ARHGEF28: variants seen among roughly 807,000 people sequenced by gnomAD.
ARHGEF28 encodes the protein Rho guanine nucleotide exchange factor 28, also known as 190 kDa guanine nucleotide exchange factor.
A neutral mutation model predicts 206.6 loss-of-function variants in ARHGEF28; 152 were observed. The observed-to-expected ratio is 0.74, with a 90% confidence interval of 0.64 to 0.84. The LOEUF (loss-of-function observed/expected upper bound fraction) is 0.84. Among genes scored for constraint, ARHGEF28 ranks in the 40% least tolerant of loss-of-function variants. The pLI is 0.00. For synonymous variants in ARHGEF28, 763 were observed against 776.4 expected (o/e 0.98, Z 0.29); for missense variants, 2,028 against 2,073.2 (o/e 0.98, Z 0.42).
intron 16 of ARHGEF28, among the ~76,000 whole-genome samples, chr5:73,860,152 CA>C (rs1201871224): frequency 6.6e-6 from 1 of 152,180 alleles, no homozygotes; most frequent in African/African-American, 2.4e-5. Flanking sequence ...TGGGTACGCG[CA>C]GAAATTAGTT....
At chr5:73,722,178 G>C (rs114580567) in intron 2 of ARHGEF28, among the ~76,000 whole-genome samples, 1 of 151,892 alleles carries the variant, frequency 6.6e-6, no homozygotes, top group Non-Finnish European at 1.5e-5. Context: ...AAGATTCGTC[G>C]TGAATATGTA....
chr5:73,917,343 G>A (rs2111953530), intron 35 of ARHGEF28, among the ~76,000 whole-genome samples: 1 of 152,262 alleles, frequency 6.6e-6, no homozygotes, highest in Non-Finnish European at 1.5e-5. Context: ...GCTTGCTCTT[G>A]GTAATCTATA....
intron 2 of ARHGEF28, among the ~76,000 whole-genome samples, chr5:73,691,149 C>T (rs1235540377): frequency 6.6e-6 from 1 of 152,022 alleles, no homozygotes; most frequent in East Asian, 1.9e-4. Context: ...AGGCTGGTCT[C>T]AAACTTCTGG....
intron 16 of ARHGEF28, among the ~76,000 whole-genome samples, chr5:73,860,771 T>A (rs1488074943): frequency 1.3e-5 from 2 of 152,190 alleles, no homozygotes; most frequent in Admixed American, 6.5e-5. Context: ...GGACCTCTCT[T>A]GTGTTTACTG....
chr5:73,772,762 A>C (rs952746800), intron 4 of ARHGEF28, among the ~76,000 whole-genome samples: 1 of 152,200 alleles, frequency 6.6e-6, no homozygotes, highest in East Asian at 1.9e-4. Context: ...GGGAAGGATC[A>C]TAATGTAGTT....
At chr5:73,940,710 T>A in intron 35 of ARHGEF28, 134 bp from the exon 36 acceptor site, 1 of 650,056 alleles carries the variant, frequency 1.5e-6, no homozygotes, top group Non-Finnish European at 2.2e-6. Flanking sequence ...TGTTCCTTTC[T>A]CATTGGGCTT....
intron 4 of ARHGEF28, 28 bp from the exon 5 acceptor site, chr5:73,773,827 A>AC: frequency 6.5e-7 from 1 of 1,547,652 alleles, no homozygotes; most frequent in Non-Finnish European, 8.7e-7. Flanking sequence ...TGGAGGAACT[A>AC]ATATGGTATG....
intron 4 of ARHGEF28, among the ~76,000 whole-genome samples, chr5:73,761,929 C>G (rs1752621325): frequency 6.6e-6 from 1 of 151,288 alleles, no homozygotes; most frequent in Non-Finnish European, 1.5e-5. Context: ...CTTCTGGGCT[C>G]AAGTGATTCT....
chr5:73,649,525 A>T (rs538363933), intron 1 of ARHGEF28, among the ~76,000 whole-genome samples: 1 of 152,264 alleles, frequency 6.6e-6, no homozygotes, highest in Non-Finnish European at 1.5e-5. Flanking sequence ...TGTTCTATCA[A>T]TCACGAAATT....
intron 1 of ARHGEF28, among the ~76,000 whole-genome samples, chr5:73,680,022 C>G (rs80220686): frequency 0.029 from 4,350 of 152,208 alleles, 233 homozygotes; most frequent in African/African-American, 0.1. Flanking sequence ...GAACCTTGCT[C>G]ATGAATGACA....
intron 2 of ARHGEF28, among the ~76,000 whole-genome samples, chr5:73,705,500 G>T (rs1748878000): frequency 1.3e-5 from 2 of 152,150 alleles, no homozygotes; most frequent in South Asian, 4.1e-4. Context: ...CACATAATAA[G>T]CACTCAATAC....
rs763651553 is a variant in ARHGEF28, at chr5:73,898,054, A to G, written c.3934A>G (p.Thr1312Ala). The G allele has an allele frequency of 1.9e-5, 30 of 1,611,954 alleles. No homozygotes were observed. The highest frequency in any genetic ancestry group is 2.5e-5 in the Non-Finnish European group (30 of 1,179,170). Reference protein sequence around the residue: ...DSCGDSVLADTLSSHDVPGSP... With the variant: ...DSCGDSVLADALSSHDVPGSP... ...TTGTGGAGACTCTGTCTTGGCGGAC[A>G]CACTCAGTTCTCATGATGTACCAGG... is the stretch of plus-strand genomic sequence containing the variant. Residue 1312 changes from threonine (T) to alanine (A), a missense_variant, in exon 30 of 36, where the codon ACA becomes GCA. Coordinates refer to ENST00000513042, the MANE Select transcript of ARHGEF28 (RefSeq NM_001177693.2).
At chr5:73,759,351 C>T (rs1295321285) in intron 4 of ARHGEF28, among the ~76,000 whole-genome samples, 1 of 152,122 alleles carries the variant, frequency 6.6e-6, no homozygotes, top group African/African-American at 2.4e-5. Context: ...ATATAGAAAA[C>T]CTTGTCATGG....
intron 35 of ARHGEF28, among the ~76,000 whole-genome samples, chr5:73,914,391 C>CTT (rs571265796): frequency 0.012 from 1,229 of 102,812 alleles, no homozygotes; most frequent in East Asian, 0.02. Context: ...TTCTGAATTG[C>CTT]TTTTTTTTTT....
In ARHGEF28 at chr5:73,941,343, C is replaced by T. The variant is rs187141118; in HGVS notation, c.*330C>T. On this transcript the variant is annotated 3_prime_UTR_variant, in exon 36 of 36. Transcript: ENST00000513042. The stretch of plus-strand genomic sequence containing the variant: ...CCCAATCATCTGGATTTCAAGATTC[C>T]TTTTAAGATCTCAATGAAGCAATTT... The T allele has an allele frequency of 4.5e-4, 72 of 161,114 alleles. No homozygotes were observed. Among genetic ancestry groups the T allele is most frequent in the African/African-American group, 1.6e-3 (68 of 41,734 alleles). 10.0% of individuals were successfully genotyped at this position (161,114 alleles called of 1,614,324 possible). A position where few individuals can be genotyped will look rare whatever the true frequency, so the allele number is the denominator to read the frequency against.
intron 11 of ARHGEF28, 71 bp downstream of exon 11, chr5:73,840,831 A>G: frequency 6.9e-7 from 1 of 1,454,396 alleles, no homozygotes; most frequent in Non-Finnish European, 9.1e-7. Context: ...CAAAAATTCT[A>G]GTTTTAAACT....
chr5:73,869,978 T>G, intron 20 of ARHGEF28, 91 bp from the exon 21 acceptor site: 3 of 1,436,340 alleles, frequency 2.1e-6, no homozygotes, highest in Non-Finnish European at 2.8e-6. Context: ...AGCAGATTTA[T>G]TTAGGGTGAG....
In ARHGEF28 at chr5:73,780,723, C is replaced by T; in HGVS notation, c.888C>T (p.Ser296=). 6.4e-7 allele frequency: 1 copy of T among 1,559,098 alleles called. No homozygotes were observed. The highest frequency in any genetic ancestry group is 8.7e-7 in the Non-Finnish European group (1 of 1,151,168). Residue 296 remains serine (S), a synonymous_variant, in exon 7 of 36, where the codon TCC becomes TCT. Transcript: ENST00000513042. ...CAGAGGAAAGAACAGCTATGCCCTC[C>T]AGCGGTGCAGAAACTGAAGAAGGTA... ...ARPEERTAMP[S]SGAETEEEIK... is the part of the protein sequence containing the mutation.
chr5:73,641,694 G>T (rs191143804), intron 1 of ARHGEF28, among the ~76,000 whole-genome samples: 1 of 152,150 alleles, frequency 6.6e-6, no homozygotes, highest in African/African-American at 2.4e-5. Flanking sequence ...ACATATTTGC[G>T]CAGTTGTATA....
Sources: gnomAD v4.1 joint callset for allele counts (sites outside exome capture counted in the v4.1 genomes callset) on GRCh38, gnomAD v4.1.1 for gene constraint, MANE v1.5 for transcripts, NCBI Gene and HGNC (gene_info 2026-07-23, HGNC 2026-07-21) for gene names.